TCTN3: variants seen among roughly 807,000 people sequenced by gnomAD.
TCTN3 encodes tectonic family member 3.
A neutral mutation model predicts 71.3 loss-of-function variants in TCTN3; 57 were observed. The observed-to-expected ratio is 0.80, with a 90% CI of 0.65 to 1.00. TCTN3 has a LOEUF of 1.00. Among genes scored for constraint, TCTN3 ranks in the 50% least tolerant of loss-of-function variants. TCTN3 has a pLI of 0.00. For missense variants in TCTN3, 696 were observed against 719.9 expected, an observed-to-expected ratio of 0.97 and a Z score of 0.38; for synonymous variants, 258 against 267.8, an observed-to-expected ratio of 0.96 and a Z score of 0.36.
Position 95,682,772 on chromosome 10 carries a change from T to C in TCTN3, c.1331A>G (p.Gln444Arg), listed in dbSNP as rs2097944345. 6.2e-7 allele frequency: 1 copy of C among 1,614,030 alleles called. No individual in the cohort carries two copies. The highest frequency in any genetic ancestry group is 1.1e-5 in the South Asian group (1 of 91,062). The change falls in exon 12 of 14, where the codon CAG becomes CGG. Residue 444 changes from glutamine (Q) to arginine (R), a missense_variant. Transcript: ENST00000371217. Reference protein sequence around the residue: ...LKKADCSHLQQEIYQTLHGRP... With the variant: ...LKKADCSHLQREIYQTLHGRP... Reference sequence around the variant, plus strand: ...TCCATGAAGAGTCTGATAAATCTCCTGCTGCAAGTGGCTGCAGTCTGCCTT... The same window carrying C: ...TCCATGAAGAGTCTGATAAATCTCCCGCTGCAAGTGGCTGCAGTCTGCCTT...
At chr10:95,674,637 G>T (rs1163855892) in intron 13 of TCTN3, among the ~76,000 whole-genome samples, 1 of 152,094 alleles carries the variant, frequency 6.6e-6, no homozygotes, top group African/African-American at 2.4e-5. Flanking sequence ...CCCAAAAGGT[G>T]CTTTACATTT....
At position 95,682,767 on chromosome 10, in the gene TCTN3, T is replaced by G; in HGVS notation, c.1336A>C (p.Ile446Leu). The G allele has an allele frequency of 6.2e-7, 1 of 1,614,072 alleles. No individual in the cohort carries two copies. Among genetic ancestry groups the G allele is most frequent in the Admixed American group, 1.7e-5 (1 of 59,988 alleles). The change falls in exon 12 of 14, where the codon ATT (isoleucine) becomes CTT (leucine). Residue 446 changes from isoleucine (I) to leucine (L), a missense_variant. By Grantham distance (5) the Ile-to-Leu change is conservative. Transcript: ENST00000371217. ...KADCSHLQQE[I>L]YQTLHGRPRP... ...GGCCTTCCATGAAGAGTCTGATAAA[T>G]CTCCTGCTGCAAGTGGCTGCAGTCT...
At chr10:95,676,620 G>C (rs1361329500) in intron 13 of TCTN3, among the ~76,000 whole-genome samples, 1 of 152,082 alleles carries the variant, frequency 6.6e-6, no homozygotes, top group African/African-American at 2.4e-5. Context: ...CATGTGTGTT[G>C]CAAACTCGGT....
chr10:95,677,898 C>G (rs2139724413), intron 13 of TCTN3, among the ~76,000 whole-genome samples: 1 of 152,222 alleles, frequency 6.6e-6, no homozygotes, highest in East Asian at 1.9e-4. Context: ...ATCTGAATGT[C>G]TGGGAAATTC....
At chr10:95,680,707 A>C (rs2097942171) in intron 12 of TCTN3, 98 bp from the exon 13 acceptor site, 1 of 1,432,788 alleles carries the variant, frequency 7.0e-7, no homozygotes, top group Non-Finnish European at 9.4e-7. Context: ...ATTATTCAGT[A>C]ATAAGGAAGG....
chr10:95,682,781 T>G lies in TCTN3; in HGVS notation c.1322A>C (p.His441Pro). Reference sequence around the variant, plus strand: ...AGTCTGATAAATCTCCTGCTGCAAGTGGCTGCAGTCTGCCTTCTTCAACCT... The same window carrying G: ...AGTCTGATAAATCTCCTGCTGCAAGGGGCTGCAGTCTGCCTTCTTCAACCT... ...KLRLKKADCS[H>P]LQQEIYQTLH... Residue 441 changes from histidine to proline, a missense_variant, in exon 12 of 14, where the codon CAC (histidine) becomes CCC (proline). Transcript: ENST00000371217. The G allele has an allele frequency of 6.2e-7, 1 of 1,614,062 alleles. No individual in the cohort carries two copies. The highest frequency in any genetic ancestry group is 8.5e-7 in the Non-Finnish European group (1 of 1,179,976).
intron 12 of TCTN3, among the ~76,000 whole-genome samples, chr10:95,682,219 C>T (rs1368895468): frequency 1.3e-5 from 2 of 151,006 alleles, no homozygotes; most frequent in African/African-American, 2.4e-5. Flanking sequence ...AGGCCAGGCG[C>T]GGTGGCTCAT....
rs768606622 is a variant in TCTN3 at position 95,693,489 on chromosome 10, G to A, written c.257-13C>T. 1.9e-6 allele frequency: 3 copies of A among 1,552,132 alleles called. No homozygotes were observed. The highest frequency in any genetic ancestry group is 2.6e-6 in the Non-Finnish European group (3 of 1,147,096). On this transcript the variant is annotated splice_polypyrimidine_tract_variant and intron_variant, in intron 1 of 13. Coordinates refer to ENST00000371217, the MANE Select transcript of TCTN3 (RefSeq NM_015631.6). ...CAGATCGGTAAGACTATGAAAGTAC[G>A]ACACAGAGTGAGTGGGATGAAGATC...
chr10:95,669,971 G>C (rs967195273), intron 13 of TCTN3, among the ~76,000 whole-genome samples: 3 of 149,604 alleles, frequency 2.0e-5, no homozygotes, highest in African/African-American at 4.9e-5. Flanking sequence ...GCTGAGGCAG[G>C]AGAATGGCGT....
At chr10:95,675,091 TTA>T (rs1413059966) in intron 13 of TCTN3, among the ~76,000 whole-genome samples, 7 of 152,098 alleles carry the variant, frequency 4.6e-5, no homozygotes, top group African/African-American at 1.4e-4. Context: ...TTTCAAGTGG[TTA>T]TATGTTTTAT....
intron 7 of TCTN3, among the ~76,000 whole-genome samples, chr10:95,685,965 G>A (rs1303765945): frequency 3.9e-5 from 6 of 152,206 alleles, no homozygotes; most frequent in Admixed American, 3.3e-4. Flanking sequence ...GATGGCTCAC[G>A]CCTATAATCC....
At chr10:95,690,271 C>T (rs896442632) in intron 3 of TCTN3, among the ~76,000 whole-genome samples, 6 of 152,138 alleles carry the variant, frequency 3.9e-5, no homozygotes, top group African/African-American at 1.4e-4. Context: ...GTATGAGCCA[C>T]CATGCCTGGC....
chr10:95,691,883 G>A (rs1401112072), intron 3 of TCTN3, among the ~76,000 whole-genome samples: 2 of 152,136 alleles, frequency 1.3e-5, no homozygotes, highest in Non-Finnish European at 2.9e-5. Context: ...TTGAAGAAAC[G>A]AGCCTGGAAA....
Position 95,664,306 on chromosome 10 carries a change from G to C in TCTN3, c.1591-6C>G, listed in dbSNP as rs1232698352. On this transcript the variant is annotated splice_polypyrimidine_tract_variant and splice_region_variant and intron_variant, in intron 13 of 13. Transcript: ENST00000371217. ...TCTGTAACTTGCTGAGAATCCTACG[G>C]GAAGAAAGTCAATGACAGGTCAGCG... The C allele has an allele frequency of 6.2e-7, 1 of 1,613,276 alleles. No individual in the cohort carries two copies. The highest frequency in any genetic ancestry group is 2.2e-5 in the East Asian group (1 of 44,864).
At chr10:95,687,571 C>T (rs2097949591) in intron 4 of TCTN3, 21 bp downstream of exon 4, 1 of 1,610,910 alleles carries the variant, frequency 6.2e-7, no homozygotes, top group Admixed American at 1.7e-5. Context: ...CAAACAATCC[C>T]ATCCCCTTCC....
At chr10:95,691,442 C>T (rs896055346) in intron 3 of TCTN3, among the ~76,000 whole-genome samples, 3 of 152,126 alleles carry the variant, frequency 2.0e-5, no homozygotes, top group Non-Finnish European at 2.9e-5. Context: ...AGTGAGCCAC[C>T]GCGTCAGGCC....
chr10:95,690,861 G>C (rs1288982042), intron 3 of TCTN3, among the ~76,000 whole-genome samples: 1 of 152,132 alleles, frequency 6.6e-6, no homozygotes, highest in African/African-American at 2.4e-5. Context: ...GAGGAAGGTA[G>C]GTAAATAATC....
intron 13 of TCTN3, among the ~76,000 whole-genome samples, chr10:95,674,814 C>T (rs1295572197): frequency 7.0e-6 from 1 of 143,628 alleles, no homozygotes; most frequent in Non-Finnish European, 1.5e-5. Context: ...GAGCGAGACC[C>T]CATCTCTAGA....
At chr10:95,674,339 TAG>T (rs1171725189) in intron 13 of TCTN3, among the ~76,000 whole-genome samples, 47 of 152,256 alleles carry the variant, frequency 3.1e-4, no homozygotes, top group South Asian at 1.7e-3. Context: ...TAGTTATTTT[TAG>T]AGTTTCCTAG....
Sources: allele counts gnomAD v4.1 joint callset (sites outside exome capture counted in the v4.1 genomes callset), GRCh38; gene constraint gnomAD v4.1.1; transcripts MANE v1.5; gene names NCBI Gene and HGNC (gene_info 2026-07-23, HGNC 2026-07-21).